The following ACSL5 variants were observed in gnomAD, a reference collection of about 807,000 sequenced individuals.
ACSL5 encodes long-chain-fatty-acid--CoA ligase 5.
In ACSL5, 50 loss-of-function variants were observed where a neutral mutation model predicts 84.9. The observed-to-expected ratio is 0.59, with a 90% CI of 0.47 to 0.75. The LOEUF (loss-of-function observed/expected upper bound fraction) is 0.75. Ranked by LOEUF, ACSL5 falls within the 30% of genes least tolerant of loss-of-function variation. ACSL5 has a pLI of 0.00. For synonymous variants in ACSL5, 280 were observed against 300.7 expected (o/e 0.93, Z 0.71); for missense variants, 775 against 830.4 (o/e 0.93, Z 0.82).
chr10:112,391,781 G>A (rs1843648174), intron 1 of ACSL5, among the ~76,000 whole-genome samples: 1 of 152,150 alleles, frequency 6.6e-6, no homozygotes, highest in Non-Finnish European at 1.5e-5. Flanking sequence ...GCAGTCTTCT[G>A]GATTATCTAG....
At chr10:112,414,946 T>C (rs1844281138) in intron 12 of ACSL5, among the ~76,000 whole-genome samples, 1 of 151,842 alleles carries the variant, frequency 6.6e-6, no homozygotes, top group African/African-American at 2.4e-5. Flanking sequence ...ACCTCCAAGA[T>C]TTTAACTCTT....
Position 112,404,519 on chromosome 10 carries a change from C to A in ACSL5, c.274C>A (p.Pro92Thr), listed in dbSNP as rs750594605. The part of the protein sequence containing the change: ...QRGLAVSDNG[P>T]CLGYRKPNQP... ...TAATATTATGTTTTTAGACAATGGG[C>A]CCTGCTTGGGATATAGAAAACCAAA... Residue 92 changes from proline (P) to threonine (T), a missense_variant, in exon 4 of 21, where the codon CCC becomes ACC. By Grantham distance (38) the Pro-to-Thr change is conservative. Transcript: ENST00000354655. 1.2e-6 allele frequency: 2 copies of A among 1,612,846 alleles called. No homozygotes were observed. Among genetic ancestry groups the A allele is most frequent in the East Asian group, 2.2e-5 (1 of 44,862 alleles).
chr10:112,375,288 C>T (rs1226273406), intron 1 of ACSL5: 2 of 152,248 alleles, frequency 1.3e-5, no homozygotes, highest in South Asian at 2.1e-4. Context: ...ATGCCACAGG[C>T]CCCACTTCGT....
intron 17 of ACSL5, among the ~76,000 whole-genome samples, chr10:112,424,238 A>G (rs756278608): frequency 5.3e-5 from 8 of 152,240 alleles, no homozygotes; most frequent in Non-Finnish European, 1.5e-5. Flanking sequence ...CCTAAGAAGA[A>G]AGGAAATTAT....
At chr10:112,425,257 A>G (rs1844622511) in intron 17 of ACSL5, 81 bp from the exon 18 acceptor site, 1 of 1,275,072 alleles carries the variant, frequency 7.8e-7, no homozygotes. Context: ...GAGAAGAAAG[A>G]TGACTGTGAC....
intron 1 of ACSL5, among the ~76,000 whole-genome samples, chr10:112,379,833 C>T (rs1342204532): frequency 1.3e-5 from 2 of 152,198 alleles, no homozygotes; most frequent in African/African-American, 4.8e-5. Flanking sequence ...AAGCTTGTTG[C>T]CTGCACTTTG....
chr10:112,389,958 G>A (rs1849523874), intron 1 of ACSL5, among the ~76,000 whole-genome samples: 1 of 152,162 alleles, frequency 6.6e-6, no homozygotes. Context: ...ACCAGGCACA[G>A]TGGCTCACGC....
intron 18 of ACSL5, among the ~76,000 whole-genome samples, 177 bp from the exon 19 acceptor site, chr10:112,426,081 A>C (rs965563240): frequency 1.3e-5 from 1 of 74,644 alleles, no homozygotes; most frequent in African/African-American, 5.5e-5. Context: ...GAGTGGGAAA[A>C]TGGGATTACA....
In ACSL5 at chr10:112,408,229, G is replaced by A. The variant is rs115516792; in HGVS notation, c.433-193G>A. Among the ~76,000 whole-genome samples the A allele has an allele frequency of 6.9e-3, 1,045 of 150,538 alleles. 10 individuals carry two copies. Among genetic ancestry groups the A allele is most frequent in the African/African-American group, 0.024 (973 of 40,914 alleles). On this transcript the variant is annotated intron_variant, in intron 5 of 20. Coordinates refer to ENST00000354655, the MANE Select transcript of ACSL5 (RefSeq NM_203379.2). ...TGGGAGGATTGCTTGATCCTGGAAG[G>A]TTGAGGCTGCAGTGAGCTATGATCA...
rs1035204436 is a variant in ACSL5 at position 112,398,919 on chromosome 10, G to T, written c.175G>T (p.Val59Phe). ...GTCTTAGGGAGGAGCACGGAAGGGG[G>T]TTTCCCAGAAGAACAATGACCTAAC... ...VGIEGGARKG[V>F]SQKNNDLTSC... The change falls in exon 3 of 21, where the codon GTT becomes TTT. Residue 59 changes from valine (V) to phenylalanine (F), a missense_variant. Transcript: ENST00000354655. 1.9e-6 allele frequency: 3 copies of T among 1,614,086 alleles called. No individual in the cohort carries two copies. The highest frequency in any genetic ancestry group is 2.5e-6 in the Non-Finnish European group (3 of 1,179,966).
At chr10:112,381,690 C>T (rs1388952251) in intron 1 of ACSL5, among the ~76,000 whole-genome samples, 4 of 141,312 alleles carry the variant, frequency 2.8e-5, no homozygotes, top group Admixed American at 7.1e-5. Context: ...AAAAAGAGGC[C>T]GGGTGCGGTG....
chr10:112,422,423 C>T lies in ACSL5; in HGVS notation c.1575C>T (p.Asp525=), dbSNP rs1202399729. ...LDSDGWLHTG[D]IGRWLPNGTL... ...GTGATGGCTGGCTTCACACAGGAGA[C>T]ATTGGTCGCTGGCTCCCGGTAGGTA... Residue 525 remains aspartate (D), a synonymous_variant, in exon 17 of 21, where the codon GAC becomes GAT. Transcript: ENST00000354655. 5 of 1,613,966 alleles carry T rather than the reference C, an allele frequency of 3.1e-6. No individual in the cohort carries two copies. Among genetic ancestry groups the T allele is most frequent in the African/African-American group, 2.7e-5 (2 of 74,924 alleles).
intron 18 of ACSL5, 76 bp downstream of exon 18, chr10:112,425,557 A>C: frequency 8.7e-7 from 1 of 1,152,258 alleles, no homozygotes; most frequent in Non-Finnish European, 1.2e-6. Flanking sequence ...AAATTTGTAT[A>C]GTTGGGTTCA....
chr10:112,384,094 G>A (rs1316409440), intron 1 of ACSL5, among the ~76,000 whole-genome samples: 1 of 152,042 alleles, frequency 6.6e-6, no homozygotes, highest in Admixed American at 6.5e-5. Flanking sequence ...GCTGAGGCAT[G>A]AGAATCGCTT....
intron 3 of ACSL5, among the ~76,000 whole-genome samples, chr10:112,400,160 C>A (rs1159196202): frequency 6.6e-6 from 1 of 152,118 alleles, no homozygotes; most frequent in Non-Finnish European, 1.5e-5. Context: ...TTCTTTACTT[C>A]TCTGGCAATT....
At chr10:112,401,136 A>C (rs975008094) in intron 3 of ACSL5, among the ~76,000 whole-genome samples, 20 of 152,228 alleles carry the variant, frequency 1.3e-4, no homozygotes, top group Non-Finnish European at 1.9e-4. Flanking sequence ...GAATCGCTTG[A>C]ACCTGGGAAG....
intron 1 of ACSL5, among the ~76,000 whole-genome samples, chr10:112,384,502 G>C (rs1564730760): frequency 6.6e-6 from 1 of 151,808 alleles, no homozygotes; most frequent in East Asian, 1.9e-4. Context: ...TTTTTGTTTT[G>C]TTTTGTTTTG....
At chr10:112,399,033 C>T (rs772012312) in intron 3 of ACSL5, 24 bp downstream of exon 3, 5 of 1,581,048 alleles carry the variant, frequency 3.2e-6, no homozygotes, top group Non-Finnish European at 4.3e-6. Context: ...TCTGTCCTTG[C>T]CTGAAGAAGA....
intron 3 of ACSL5, among the ~76,000 whole-genome samples, chr10:112,401,399 A>C (rs1418852757): frequency 6.6e-6 from 1 of 152,216 alleles, no homozygotes; most frequent in Non-Finnish European, 1.5e-5. Flanking sequence ...AATCCTCAGG[A>C]AGCTTTGTAT....
Sources: gnomAD v4.1 joint callset for allele counts (sites outside exome capture counted in the v4.1 genomes callset) on GRCh38, gnomAD v4.1.1 for gene constraint, MANE v1.5 for transcripts, NCBI Gene and HGNC (gene_info 2026-07-23, HGNC 2026-07-21) for gene names.